FN1: variants seen among roughly 807,000 people sequenced by gnomAD.
The protein encoded by FN1 is fibronectin 1, also known as fibronectin.
In FN1, 106 loss-of-function variants were observed where a neutral mutation model predicts 297.3. The observed-to-expected ratio is 0.36, with a 90% confidence interval of 0.30 to 0.42. FN1 has a LOEUF of 0.42. Among genes scored for constraint, FN1 ranks in the 10% least tolerant of loss-of-function variants. The probability of loss-of-function intolerance (pLI) is 1.00; values close to 1 mark genes in which losing one functional copy is unlikely to be tolerated. For missense variants in FN1, 2,690 were observed against 3,124.9 expected, an observed-to-expected ratio of 0.86 and a Z score of 3.32; for synonymous variants, 1,149 against 1,152.6, an observed-to-expected ratio of 1.00 and a Z score of 0.06.
intron 15 of FN1, among the ~76,000 whole-genome samples, chr2:215,409,082 T>C (rs2062195977): frequency 6.6e-6 from 1 of 152,166 alleles, no homozygotes. Flanking sequence ...AGAGAGATAT[T>C]CTTTTCCTTG....
rs571159227 is a variant in FN1, at chr2:215,386,076, C to CTTTTT, written c.4612+608_4612+612dup. Among the ~76,000 whole-genome samples, 151 of 109,406 alleles carry CTTTTT rather than the reference C, an allele frequency of 1.4e-3. 9 individuals carry two copies. In the Middle Eastern group the frequency reaches 0.019, roughly 14 times the overall value. 71.8% of individuals were successfully genotyped at this position (109,406 alleles called of 152,430 possible). ...CAAGCGTGAGCCATTGCGCCTGGCC[C>CTTTTT]TTTTTTTTTTTTTTTTTTTGAGACA... On this transcript the variant is annotated intron_variant, in intron 28 of 45. Coordinates refer to ENST00000354785, the MANE Select transcript of FN1 (RefSeq NM_212482.4).
chr2:215,395,561 CA>C (rs1289414888), intron 23 of FN1, among the ~76,000 whole-genome samples: 44 of 149,258 alleles, frequency 2.9e-4, no homozygotes, highest in Middle Eastern at 3.2e-3. Flanking sequence ...ACAAAACAAA[CA>C]AAAAAAGAGA....
At position 215,397,140 on chromosome 2, in the gene FN1, G is replaced by A; in HGVS notation, c.3601C>T (p.Pro1201Ser). 1 of 1,610,668 alleles carries A rather than the reference G, an allele frequency of 6.2e-7. No homozygotes were observed. The change falls in exon 23 of 46, where the codon CCA (proline) becomes TCA (serine). Residue 1201 changes from proline (P) to serine (S), a missense_variant. By Grantham distance (74) the Pro-to-Ser change is moderately conservative. Transcript: ENST00000354785. ...CTCTGATCCATCCCAAACTTACCTGGGGTGGTGCTCCTCTCCCAGGAGACT... is the reference window on the plus strand; with the variant it reads ...CTCTGATCCATCCCAAACTTACCTGAGGTGGTGCTCCTCTCCCAGGAGACT... ...LTVSWERSTTPDITGYRITTT... is the reference protein window; with the variant it reads ...LTVSWERSTTSDITGYRITTT...
chr2:215,391,843 T>G, intron 25 of FN1, 29 bp from the exon 26 acceptor site: 2 of 1,603,434 alleles, frequency 1.2e-6, no homozygotes, highest in Non-Finnish European at 8.5e-7. Context: ...GAAGACTCAG[T>G]TAATGTAATT....
chr2:215,380,710 AC>A lies in FN1; in HGVS notation c.5434+100del, dbSNP rs539707984. 3.9e-3 allele frequency: 5,195 copies of A among 1,330,504 alleles called. 21 individuals are homozygous for A. Among genetic ancestry groups the A allele is most frequent in the Non-Finnish European group, 5.0e-3 (4,664 of 926,892 alleles). 82.4% of individuals were successfully genotyped at this position (1,330,504 alleles called of 1,614,324 possible). A position where few individuals can be genotyped will look rare whatever the true frequency, so the allele number is the denominator to read the frequency against. On this transcript the variant is annotated intron_variant, in intron 33 of 45. Transcript: ENST00000354785. ...GGATCTTTCCTAATAATTCTTTTTCACCCTTACACGGGAATCAATAGCCCAG... is the reference window on the plus strand; with the variant it reads ...GGATCTTTCCTAATAATTCTTTTTCACCTTACACGGGAATCAATAGCCCAG...
chr2:215,411,947 G>GT (rs1255197722), intron 13 of FN1, among the ~76,000 whole-genome samples: 2 of 152,040 alleles, frequency 1.3e-5, no homozygotes, highest in Non-Finnish European at 2.9e-5. Flanking sequence ...GATTACAGGC[G>GT]TGAGCCACTG....
In FN1 at chr2:215,393,189, TG is replaced by T. The variant is rs1169872505; in HGVS notation, c.3810del (p.Thr1271LeufsTer3). On this transcript the variant is annotated frameshift_variant, in exon 25 of 46. Transcript: ENST00000354785. LOFTEE classifies it high-confidence loss of function. The part of the protein sequence containing the change: ...SDTIIPEVPQ[L>X]TDLSFVDITD... ...GTTATATCAACAAAGCTTAGGTCAGTGAGTTGGGGCACCTCTATTGAGTTAC... is the reference window on the plus strand; with the variant it reads ...GTTATATCAACAAAGCTTAGGTCAGTAGTTGGGGCACCTCTATTGAGTTAC... 1 of 1,613,190 alleles carries T rather than the reference TG, an allele frequency of 6.2e-7. No homozygotes were observed.
chr2:215,395,904 T>C (rs982330006), intron 23 of FN1, among the ~76,000 whole-genome samples: 4 of 99,276 alleles, frequency 4.0e-5, no homozygotes, highest in East Asian at 9.5e-4. Context: ...AGCACGAAGA[T>C]TGTCAACTTA....
intron 2 of FN1, among the ~76,000 whole-genome samples, chr2:215,434,408 A>ATT (rs34228975): frequency 8.3e-4 from 126 of 151,918 alleles, no homozygotes; most frequent in South Asian, 1.5e-3. Flanking sequence ...TTTATAAGCA[A>ATT]TTTTTTTTGT....
rs994968999 is a variant in FN1, at chr2:215,373,748, C to T, written c.6158-337G>A. 4.8e-5 allele frequency among the ~76,000 whole-genome samples: 7 copies of T among 146,072 alleles called. No homozygotes were observed. The East Asian group carries it at 6.1e-4, about 13-fold the overall frequency. ...AGGCTGGAGTGCAGTGGTGCTATCT[C>T]GGCTCACTGCAAGCTCCGCTTCCCA... On this transcript the variant is annotated intron_variant, in intron 38 of 45. Coordinates refer to ENST00000354785, the MANE Select transcript of FN1 (RefSeq NM_212482.4).
intron 12 of FN1, among the ~76,000 whole-genome samples, chr2:215,418,253 G>A (rs1159263673): frequency 6.6e-6 from 1 of 152,136 alleles, no homozygotes; most frequent in Non-Finnish European, 1.5e-5. Context: ...TGGGTGTTTA[G>A]TATTTAGGAT....
chr2:215,413,548 T>A (rs1489762703), intron 13 of FN1, among the ~76,000 whole-genome samples: 1 of 152,222 alleles, frequency 6.6e-6, no homozygotes, highest in Non-Finnish European at 1.5e-5. Flanking sequence ...CTTGGAGACC[T>A]CAATCCCTGA....
intron 24 of FN1, chr2:215,393,620 G>T (rs917256704): frequency 1.3e-5 from 2 of 152,138 alleles, no homozygotes; most frequent in African/African-American, 2.4e-5. Context: ...AAATAAGCTT[G>T]CATGAAGAAG....
In FN1 at chr2:215,391,732, A is replaced by G. The variant is rs761361752; in HGVS notation, c.4152T>C (p.Ile1384=). The G allele has an allele frequency of 9.9e-6, 16 of 1,614,002 alleles. No individual in the cohort carries two copies. The highest frequency in any genetic ancestry group is 1.2e-5 in the Non-Finnish European group (14 of 1,180,020). The change falls in exon 26 of 46, where the codon ATT becomes ATC. Residue 1384 remains isoleucine (I), a synonymous_variant. Coordinates refer to ENST00000354785, the MANE Select transcript of FN1 (RefSeq NM_212482.4). The part of the protein sequence containing the change: ...MRVTWAPPPS[I]DLTNFLVRYS... ...AACGCACCAGGAAGTTGGTTAAATC[A>G]ATGGATGGGGGTGGAGCCCAGGTGA... is the stretch of plus-strand genomic sequence containing the variant.
At chr2:215,397,972 T>C (rs2060505618) in intron 21 of FN1, 124 bp from the exon 22 acceptor site, 27 of 864,854 alleles carry the variant, frequency 3.1e-5, no homozygotes, top group Non-Finnish European at 4.5e-5. Context: ...TGTACTTTTA[T>C]TGGGAAATGA....
At chr2:215,392,354 A>T (rs2059801697) in intron 25 of FN1, 1 of 181,302 alleles carries the variant, frequency 5.5e-6, no homozygotes, top group Non-Finnish European at 1.2e-5. Flanking sequence ...AAAATGTTGC[A>T]TGCTTGTCCC....
At chr2:215,424,992 A>G in intron 7 of FN1, 102 bp downstream of exon 7, 1 of 1,049,448 alleles carries the variant, frequency 9.5e-7, no homozygotes, top group Non-Finnish European at 1.5e-6. Context: ...GTAAGATTAC[A>G]GGCTTCTTGT....
intron 1 of FN1, among the ~76,000 whole-genome samples, chr2:215,435,291 A>T (rs900036541): frequency 4.6e-5 from 7 of 152,228 alleles, no homozygotes; most frequent in African/African-American, 1.4e-4. Context: ...ATTATTTAAC[A>T]GAAGGAAATA....
intron 18 of FN1, among the ~76,000 whole-genome samples, chr2:215,406,851 T>C (rs2061840311): frequency 6.6e-6 from 1 of 152,212 alleles, no homozygotes; most frequent in South Asian, 2.1e-4. Context: ...TTTTACTGAA[T>C]CATTTTATAA....
Sources: gnomAD v4.1 joint callset for allele counts (sites outside exome capture counted in the v4.1 genomes callset) on GRCh38, gnomAD v4.1.1 for gene constraint, MANE v1.5 for transcripts, NCBI Gene and HGNC (gene_info 2026-07-23, HGNC 2026-07-21) for gene names.